SLC4A10: variants seen among roughly 807,000 people sequenced by gnomAD.
SLC4A10 encodes the protein sodium-driven chloride bicarbonate exchanger.
A neutral mutation model predicts 137.7 loss-of-function variants in SLC4A10; 42 were observed. That is an observed-to-expected ratio of 0.30 (90% CI 0.24 to 0.39). The LOEUF (loss-of-function observed/expected upper bound fraction) is 0.39, where lower values mean the gene tolerates loss of function less well. Ranked by LOEUF, SLC4A10 falls within the 10% of genes least tolerant of loss-of-function variation. The pLI, the probability that SLC4A10 is intolerant of heterozygous loss-of-function variation, is 1.00. For synonymous variants in SLC4A10, 474 were observed against 464.1 expected (o/e 1.02, Z -0.27); for missense variants, 925 against 1,355.0 (o/e 0.68, Z 4.98).
At chr2:161,710,896 A>G (rs1310628969) in intron 1 of SLC4A10, 1 of 261,990 alleles carries the variant, frequency 3.8e-6, no homozygotes, top group Non-Finnish European at 7.8e-6. Flanking sequence ...GGAGATTAGA[A>G]AATATATACA....
intron 15 of SLC4A10, among the ~76,000 whole-genome samples, chr2:161,915,707 G>T (rs1686965185): frequency 6.6e-6 from 1 of 152,140 alleles, no homozygotes; most frequent in African/African-American, 2.4e-5. Context: ...TGCTTGTTCT[G>T]GTTCCCACAC....
At chr2:161,876,617 G>A (rs538568081) in intron 8 of SLC4A10, among the ~76,000 whole-genome samples, 12 of 152,172 alleles carry the variant, frequency 7.9e-5, no homozygotes, top group African/African-American at 2.2e-4. Flanking sequence ...CAGGAAGTTC[G>A]AGGCTGCAGT....
chr2:161,826,011 A>G (rs2057997301), intron 3 of SLC4A10, among the ~76,000 whole-genome samples: 2 of 152,284 alleles, frequency 1.3e-5, no homozygotes, highest in Admixed American at 6.5e-5. Flanking sequence ...TTACCAATCT[A>G]TTACCCTGTA....
intron 11 of SLC4A10, among the ~76,000 whole-genome samples, chr2:161,895,898 G>T (rs990292232): frequency 9.2e-5 from 14 of 151,860 alleles, no homozygotes; most frequent in Admixed American, 4.6e-4. Context: ...CTTTTGCTGT[G>T]CAGAAGCTCT....
chr2:161,815,538 A>G (rs1014323589), intron 3 of SLC4A10, among the ~76,000 whole-genome samples: 6 of 152,168 alleles, frequency 3.9e-5, no homozygotes, highest in Admixed American at 1.3e-4. Context: ...AGTGTGAAAC[A>G]GACTAATACA....
chr2:161,916,606 A>G (rs534916789), intron 15 of SLC4A10, among the ~76,000 whole-genome samples: 11 of 152,272 alleles, frequency 7.2e-5, no homozygotes, highest in Non-Finnish European at 1.3e-4. Context: ...GTATGGCTTC[A>G]TCTGTTCCCC....
intron 19 of SLC4A10, among the ~76,000 whole-genome samples, chr2:161,953,622 T>G (rs747720818): frequency 6.6e-6 from 1 of 151,504 alleles, no homozygotes; most frequent in Non-Finnish European, 1.5e-5. Flanking sequence ...AAAAAAAATG[T>G]TTTTATCATT....
intron 1 of SLC4A10, among the ~76,000 whole-genome samples, chr2:161,673,149 A>G (rs112695107): frequency 8.7e-4 from 133 of 152,316 alleles, no homozygotes; most frequent in African/African-American, 3.0e-3. Context: ...ATAATTAACA[A>G]CAGAATTCAC....
At chr2:161,628,704 TC>T (rs2032936557) in intron 1 of SLC4A10, among the ~76,000 whole-genome samples, 1 of 152,020 alleles carries the variant, frequency 6.6e-6, no homozygotes, top group Non-Finnish European at 1.5e-5. Context: ...AAGAAATTAA[TC>T]CCCGTTTCTA....
chr2:161,642,402 A>C (rs1187041245), intron 1 of SLC4A10, among the ~76,000 whole-genome samples: 1 of 151,966 alleles, frequency 6.6e-6, no homozygotes, highest in African/African-American at 2.4e-5. Context: ...AGTTTACTGA[A>C]TCTCAGATGG....
At chr2:161,680,601 C>T (rs968237687) in intron 1 of SLC4A10, among the ~76,000 whole-genome samples, 2 of 151,692 alleles carry the variant, frequency 1.3e-5, no homozygotes, top group African/African-American at 2.4e-5. Context: ...ATCGATGGCA[C>T]GAGGGAGTCA....
At chr2:161,687,829 C>T (rs369932426) in intron 1 of SLC4A10, among the ~76,000 whole-genome samples, 5 of 152,318 alleles carry the variant, frequency 3.3e-5, no homozygotes, top group African/African-American at 7.2e-5. Context: ...CATTCTCTCT[C>T]CTGCCACCTA....
At chr2:161,673,356 G>T (rs1319168150) in intron 1 of SLC4A10, among the ~76,000 whole-genome samples, 1 of 152,102 alleles carries the variant, frequency 6.6e-6, no homozygotes, top group Non-Finnish European at 1.5e-5. Flanking sequence ...AATATTTGAT[G>T]GAAATATCTG....
At position 161,839,792 on chromosome 2, in the gene SLC4A10, C is replaced by T. The variant is rs556172929; in HGVS notation, c.281C>T (p.Thr94Ile). ...ATACATGTCTCTGATTTTTTAGACACCCCATCACAGAGGGTACAGTTTATT... is the reference window on the plus strand; with the variant it reads ...ATACATGTCTCTGATTTTTTAGACATCCCATCACAGAGGGTACAGTTTATT... The part of the protein sequence containing the change: ...EDGRESPSFD[T>I]PSQRVQFILG... Residue 94 changes from threonine (T) to isoleucine (I), a missense_variant, in exon 4 of 27, where the codon ACC becomes ATC. Transcript: ENST00000446997. 1.2e-6 allele frequency: 2 copies of T among 1,613,450 alleles called. No individual in the cohort carries two copies. Among genetic ancestry groups the T allele is most frequent in the Non-Finnish European group, 1.7e-6 (2 of 1,179,666 alleles).
chr2:161,797,613 C>T (rs950289683), intron 2 of SLC4A10, among the ~76,000 whole-genome samples: 1 of 151,420 alleles, frequency 6.6e-6, no homozygotes, highest in African/African-American at 2.4e-5. Flanking sequence ...TTATAATATA[C>T]CAAAATTGGG....
At position 161,654,301 on chromosome 2, in the gene SLC4A10, T is replaced by G. The variant is rs190660901; in HGVS notation, c.48+29735T>G. Among the ~76,000 whole-genome samples, 14 of 152,346 alleles carry G rather than the reference T, an allele frequency of 9.2e-5. No individual in the cohort carries two copies. The East Asian group carries it at 2.7e-3, about 29-fold the overall frequency. Reference sequence around the variant, plus strand: ...TTAAACCTTTATTTGATATATGGCTTGCAAATATTTTCTCCCTTTGTGTAG... The same window carrying G: ...TTAAACCTTTATTTGATATATGGCTGGCAAATATTTTCTCCCTTTGTGTAG... On this transcript the variant is annotated intron_variant, in intron 1 of 26. Coordinates refer to ENST00000446997, the MANE Select transcript of SLC4A10 (RefSeq NM_001178015.2).
intron 1 of SLC4A10, among the ~76,000 whole-genome samples, chr2:161,676,527 C>A (rs2040293645): frequency 6.6e-6 from 1 of 152,044 alleles, no homozygotes; most frequent in South Asian, 2.1e-4. Context: ...CACTTTGTAG[C>A]TGAGACAGAT....
At chr2:161,641,740 G>T (rs2035353191) in intron 1 of SLC4A10, among the ~76,000 whole-genome samples, 1 of 152,020 alleles carries the variant, frequency 6.6e-6, no homozygotes, top group South Asian at 2.1e-4. Flanking sequence ...AATAAAGGGA[G>T]TTGGAATATC....
At chr2:161,915,073 T>G (rs1226985713) in intron 15 of SLC4A10, among the ~76,000 whole-genome samples, 1 of 152,050 alleles carries the variant, frequency 6.6e-6, no homozygotes, top group Non-Finnish European at 1.5e-5. Flanking sequence ...ACCCAACACC[T>G]TATCCTGTGC....
Sources: gnomAD v4.1 joint callset for allele counts (sites outside exome capture counted in the v4.1 genomes callset) on GRCh38, gnomAD v4.1.1 for gene constraint, MANE v1.5 for transcripts, NCBI Gene and HGNC (gene_info 2026-07-23, HGNC 2026-07-21) for gene names.